Variants in STAG1 observed in about 807,000 individuals in gnomAD.
STAG1 encodes STAG1 cohesin complex component, also known as cohesin subunit SA-1.
STAG1 carries 26 observed loss-of-function variants against 170.9 expected under a neutral mutation model. The observed-to-expected ratio is 0.15, with a 90% CI of 0.11 to 0.21. The LOEUF (loss-of-function observed/expected upper bound fraction) is 0.21, where lower values mean the gene tolerates loss of function less well. Among genes scored for constraint, STAG1 ranks in the 10% least tolerant of loss-of-function variants. The pLI is 1.00. For synonymous variants in STAG1, 514 were observed against 497.7 expected (o/e 1.03, Z -0.44); for missense variants, 964 against 1,509.5 (o/e 0.64, Z 5.99).
At chr3:136,459,876 T>C (rs950834831) in intron 13 of STAG1, among the ~76,000 whole-genome samples, 34 of 152,092 alleles carry the variant, frequency 2.2e-4, no homozygotes, top group Non-Finnish European at 4.4e-5. Flanking sequence ...GGAAAGTTTA[T>C]ACCAATAAGT....
In STAG1 at chr3:136,630,907, A is replaced by T; in HGVS notation, c.-9T>A. 1 of 1,564,176 alleles carries T rather than the reference A, an allele frequency of 6.4e-7. No individual in the cohort carries two copies. Among genetic ancestry groups the T allele is most frequent in the Non-Finnish European group, 8.7e-7 (1 of 1,152,832 alleles). ...AATTCTGAAGTAATCATTGCTGGAGAGGTCCTTTCACAATGCAGCAAAATA... is the reference window on the plus strand; with the variant it reads ...AATTCTGAAGTAATCATTGCTGGAGTGGTCCTTTCACAATGCAGCAAAATA... On this transcript the variant is annotated 5_prime_UTR_variant, in exon 2 of 34. Transcript: ENST00000383202.
At chr3:136,548,437 G>T (rs1026716927) in intron 5 of STAG1, among the ~76,000 whole-genome samples, 1 of 152,016 alleles carries the variant, frequency 6.6e-6, no homozygotes. Flanking sequence ...CTGTACTTTT[G>T]TATCGTATTT....
At chr3:136,522,603 G>A (rs1312907947) in intron 6 of STAG1, among the ~76,000 whole-genome samples, 1 of 151,848 alleles carries the variant, frequency 6.6e-6, no homozygotes, top group Non-Finnish European at 1.5e-5. Flanking sequence ...TAGTTCTAGG[G>A]TACATGTGCA....
chr3:136,371,252 T>TC (rs1937322921), intron 23 of STAG1, among the ~76,000 whole-genome samples: 1 of 152,246 alleles, frequency 6.6e-6, no homozygotes, highest in Non-Finnish European at 1.5e-5. Flanking sequence ...ATTCTGGATA[T>TC]TAGCCCTTTG....
chr3:136,604,965 G>A (rs2107809142), intron 3 of STAG1, among the ~76,000 whole-genome samples: 1 of 152,156 alleles, frequency 6.6e-6, no homozygotes, highest in East Asian at 1.9e-4. Context: ...TTTAAAAATT[G>A]CTTTAGTGTT....
intron 21 of STAG1, among the ~76,000 whole-genome samples, chr3:136,412,551 T>C (rs558210097): frequency 5.9e-5 from 9 of 152,298 alleles, no homozygotes; most frequent in Admixed American, 4.6e-4. Context: ...GTTAATAATA[T>C]GAATAATGAA....
At chr3:136,476,647 T>C (rs922340452) in intron 10 of STAG1, among the ~76,000 whole-genome samples, 2 of 152,188 alleles carry the variant, frequency 1.3e-5, no homozygotes, top group Non-Finnish European at 1.5e-5. Flanking sequence ...AAATAACTTA[T>C]AATGGGAATG....
chr3:136,420,692 A>C (rs894777640), intron 20 of STAG1, among the ~76,000 whole-genome samples: 3 of 152,200 alleles, frequency 2.0e-5, no homozygotes, highest in Non-Finnish European at 4.4e-5. Context: ...TGCAGCCTTG[A>C]ACTCCTGGGC....
At chr3:136,748,850 G>A (rs1215847012) in intron 1 of STAG1, among the ~76,000 whole-genome samples, 2 of 151,900 alleles carry the variant, frequency 1.3e-5, no homozygotes, top group African/African-American at 4.8e-5. Flanking sequence ...TCCTCTCAAT[G>A]CAATAAAATT....
rs1939356343 is a variant in STAG1, at chr3:136,612,575, T to G, written c.133-8102A>C. On this transcript the variant is annotated intron_variant, in intron 3 of 33. Coordinates refer to ENST00000383202, the MANE Select transcript of STAG1 (RefSeq NM_005862.3). ...GGACACGGTGGCATGTGCCTGTAGC[T>G]CCAGCTATGCAGAAGGATGGCTTGA... Among the ~76,000 whole-genome samples, 2 of 151,992 alleles carry G rather than the reference T, an allele frequency of 1.3e-5. 1 individual carries two copies. Among genetic ancestry groups the G allele is most frequent in the South Asian group, 4.2e-4 (2 of 4,808 alleles).
intron 1 of STAG1, among the ~76,000 whole-genome samples, chr3:136,691,240 C>A (rs531384894): frequency 6.6e-6 from 1 of 152,018 alleles, no homozygotes; most frequent in Non-Finnish European, 1.5e-5. Flanking sequence ...TCGAGACCAT[C>A]CTGGCTGACA....
At chr3:136,735,026 C>T (rs916416279) in intron 1 of STAG1, among the ~76,000 whole-genome samples, 11 of 152,150 alleles carry the variant, frequency 7.2e-5, no homozygotes, top group African/African-American at 2.7e-4. Flanking sequence ...CCAAACTCCC[C>T]TCAATTATTA....
intron 16 of STAG1, among the ~76,000 whole-genome samples, chr3:136,429,683 C>T (rs187043030): frequency 1.8e-4 from 27 of 152,206 alleles, no homozygotes; most frequent in Non-Finnish European, 2.8e-4. Context: ...ACAGAAATTA[C>T]AATGTATTTC....
chr3:136,550,775 A>G (rs1398818153), intron 5 of STAG1, among the ~76,000 whole-genome samples: 1 of 152,078 alleles, frequency 6.6e-6, no homozygotes, highest in Non-Finnish European at 1.5e-5. Flanking sequence ...TTCCATTTCT[A>G]ATTTTCACAC....
chr3:136,602,620 G>T (rs983175302), intron 4 of STAG1, among the ~76,000 whole-genome samples: 1 of 152,012 alleles, frequency 6.6e-6, no homozygotes, highest in African/African-American at 2.4e-5. Flanking sequence ...GAAGGCAGAG[G>T]TGGGTGCATC....
At chr3:136,397,273 T>A in intron 22 of STAG1, among the ~76,000 whole-genome samples, 1 of 152,360 alleles carries the variant, frequency 6.6e-6, no homozygotes, top group East Asian at 1.9e-4. Flanking sequence ...TTTGTCTGAT[T>A]CTCTTCATGG....
At chr3:136,468,810 TG>T (rs1460772260) in intron 12 of STAG1, among the ~76,000 whole-genome samples, 1 of 152,172 alleles carries the variant, frequency 6.6e-6, no homozygotes, top group Non-Finnish European at 1.5e-5. Context: ...GCTTCATCCC[TG>T]GGATGCAAGG....
chr3:136,425,854 T>C (rs915223239), intron 16 of STAG1, among the ~76,000 whole-genome samples: 2 of 151,580 alleles, frequency 1.3e-5, no homozygotes, highest in Admixed American at 6.6e-5. Flanking sequence ...TTATCACTAG[T>C]CAAAGTTGGG....
chr3:136,601,892 G>A (rs909845780), intron 4 of STAG1, among the ~76,000 whole-genome samples: 3 of 151,878 alleles, frequency 2.0e-5, no homozygotes, highest in African/African-American at 7.3e-5. Context: ...TTAGAAAAGA[G>A]TAATATGGAT....
Sources: allele counts gnomAD v4.1 joint callset (sites outside exome capture counted in the v4.1 genomes callset), GRCh38; gene constraint gnomAD v4.1.1; transcripts MANE v1.5; gene names NCBI Gene and HGNC (gene_info 2026-07-23, HGNC 2026-07-21).